Variants in TJP1 observed in about 807,000 individuals in gnomAD.
The protein encoded by TJP1 is tight junction protein 1.
TJP1 carries 43 observed loss-of-function variants against 194.2 expected under a neutral mutation model. The ratio of observed to expected loss-of-function variants is 0.22; its 90% CI spans 0.17 to 0.29. The LOEUF (loss-of-function observed/expected upper bound fraction) is 0.29, where lower values mean the gene tolerates loss of function less well. Ranked by LOEUF, TJP1 falls within the 10% of genes least tolerant of loss-of-function variation. The pLI, the probability that TJP1 is intolerant of heterozygous loss-of-function variation, is 1.00. For synonymous variants in TJP1, 801 were observed against 779.0 expected (o/e 1.03, Z -0.47); for missense variants, 1,971 against 2,185.7 (o/e 0.90, Z 1.96).
chr15:29,930,071 C>G (rs1446427165), intron 2 of TJP1, among the ~76,000 whole-genome samples: 2 of 152,116 alleles, frequency 1.3e-5, no homozygotes, highest in African/African-American at 2.4e-5. Flanking sequence ...AGAAATTGAT[C>G]CAGTAGTTAA....
At chr15:29,949,768 C>G (rs2055568041) in intron 2 of TJP1, among the ~76,000 whole-genome samples, 1 of 109,366 alleles carries the variant, frequency 9.1e-6, no homozygotes, top group Non-Finnish European at 1.9e-5. Context: ...CCACCACTAC[C>G]TCCACCACCT....
At chr15:29,728,182 T>G (rs1414290806) in intron 15 of TJP1, 163 bp from the exon 16 acceptor site, 2 of 454,126 alleles carry the variant, frequency 4.4e-6, no homozygotes, top group East Asian at 6.8e-5. Flanking sequence ...TATGCATACT[T>G]CCCTTTTTTT....
rs537030776 is a variant in TJP1, at chr15:29,750,648, T to G, written c.1011-7867A>C. The stretch of plus-strand genomic sequence containing the variant: ...TCTATGAACACCTTTCCAATCAACT[T>G]GATGTGCCTTATTTTAAAAATAACC... On this transcript the variant is annotated intron_variant, in intron 8 of 27. Transcript: ENST00000614355. 5.3e-5 allele frequency among the ~76,000 whole-genome samples: 8 copies of G among 152,266 alleles called. No homozygotes were observed. The South Asian group carries it at 1.7e-3, about 32-fold the overall frequency.
chr15:29,724,574 A>G (rs1458043129), intron 18 of TJP1, among the ~76,000 whole-genome samples: 2 of 152,210 alleles, frequency 1.3e-5, no homozygotes, highest in Non-Finnish European at 2.9e-5. Context: ...AAGCCTCAGG[A>G]TGACTTTTCC....
chr15:29,935,275 A>C (rs1480921540), intron 2 of TJP1, among the ~76,000 whole-genome samples: 5 of 152,194 alleles, frequency 3.3e-5, no homozygotes, highest in Non-Finnish European at 7.3e-5. Context: ...CTTGAATTTC[A>C]ACCAAATTTA....
chr15:29,713,682 G>C (rs2042380045), intron 23 of TJP1, among the ~76,000 whole-genome samples: 1 of 152,132 alleles, frequency 6.6e-6, no homozygotes, highest in African/African-American at 2.4e-5. Context: ...CATTGGACAA[G>C]AGTATGAAAA....
At chr15:29,968,550 A>T in intron 1 of TJP1, 1 of 781,670 alleles carries the variant, frequency 1.3e-6, no homozygotes, top group Non-Finnish European at 1.5e-6. Flanking sequence ...CGGGCCCGAC[A>T]GTCGCGGCCT....
chr15:29,894,416 G>A (rs1336138316), intron 2 of TJP1, among the ~76,000 whole-genome samples: 4 of 152,304 alleles, frequency 2.6e-5, no homozygotes, highest in Non-Finnish European at 4.4e-5. Flanking sequence ...CCAACATCAC[G>A]CCACTGCACT....
chr15:29,950,141 A>T (rs1300248779), intron 2 of TJP1, among the ~76,000 whole-genome samples: 1 of 67,614 alleles, frequency 1.5e-5, no homozygotes, highest in Non-Finnish European at 3.2e-5. Context: ...CACCACCACC[A>T]CAACCACCAC....
intron 2 of TJP1, among the ~76,000 whole-genome samples, chr15:29,927,461 T>G (rs779240681): frequency 1.1e-4 from 17 of 151,744 alleles, no homozygotes; most frequent in Non-Finnish European, 1.9e-4. Context: ...ACAAAATCCA[T>G]AGAGACACAT....
chr15:29,931,786 G>C (rs1194496789), intron 2 of TJP1, among the ~76,000 whole-genome samples: 2 of 152,214 alleles, frequency 1.3e-5, no homozygotes, highest in Admixed American at 6.5e-5. Context: ...TATTAGGAAA[G>C]TAAAGGAATA....
intron 2 of TJP1, among the ~76,000 whole-genome samples, chr15:29,846,610 G>A (rs1462802497): frequency 6.6e-6 from 1 of 152,030 alleles, no homozygotes; most frequent in Non-Finnish European, 1.5e-5. Context: ...AAGAGCCAGG[G>A]GTCAACATAT....
At chr15:29,799,645 G>C (rs952141514) in intron 2 of TJP1, among the ~76,000 whole-genome samples, 2 of 152,058 alleles carry the variant, frequency 1.3e-5, no homozygotes, top group Non-Finnish European at 2.9e-5. Flanking sequence ...TCAATCTCCT[G>C]ACCTCGTGAT....
intron 2 of TJP1, among the ~76,000 whole-genome samples, chr15:29,864,526 G>A (rs941991169): frequency 2.4e-4 from 36 of 152,218 alleles, no homozygotes; most frequent in South Asian, 2.1e-3. Context: ...GTTTCCTACC[G>A]TCAACACTGT....
At chr15:29,952,944 A>G (rs1856015452) in intron 2 of TJP1, among the ~76,000 whole-genome samples, 1 of 152,158 alleles carries the variant, frequency 6.6e-6, no homozygotes, top group Non-Finnish European at 1.5e-5. Context: ...AAGTCATTAC[A>G]GATCCTTTAC....
chr15:29,944,614 G>A lies in TJP1; in HGVS notation c.306+11618C>T, dbSNP rs572913050. On this transcript the variant is annotated intron_variant, in intron 2 of 28. Transcript: ENST00000356107. The stretch of plus-strand genomic sequence containing the variant: ...TTGTTCAATTTTCTCTAAAGTACAC[G>A]AAACAGCTAATTTTTTCCTTCTTCA... Among the ~76,000 whole-genome samples the A allele has an allele frequency of 1.5e-3, 229 of 152,174 alleles. 1 individual carries two copies. Among genetic ancestry groups the A allele is most frequent in the African/African-American group, 5.3e-3 (222 of 41,522 alleles).
At chr15:29,780,898 T>C (rs2047330536) in intron 2 of TJP1, among the ~76,000 whole-genome samples, 1 of 151,682 alleles carries the variant, frequency 6.6e-6, no homozygotes. Context: ...ATTAACAACA[T>C]TACATACATT....
intron 2 of TJP1, among the ~76,000 whole-genome samples, chr15:29,775,776 A>G (rs1013390518): frequency 6.6e-6 from 1 of 152,216 alleles, no homozygotes; most frequent in Non-Finnish European, 1.5e-5. Context: ...AAATTCAAAT[A>G]AATTTGAAAA....
intron 2 of TJP1, among the ~76,000 whole-genome samples, chr15:29,829,108 G>A (rs571557536): frequency 9.5e-4 from 144 of 152,226 alleles, no homozygotes; most frequent in African/African-American, 3.4e-3. Flanking sequence ...AGTACAATTT[G>A]TTTCAGAATA....
Sources: gnomAD v4.1 joint callset for allele counts (sites outside exome capture counted in the v4.1 genomes callset) on GRCh38, gnomAD v4.1.1 for gene constraint, MANE v1.5 for transcripts, NCBI Gene and HGNC (gene_info 2026-07-23, HGNC 2026-07-21) for gene names.